The following COL28A1 variants were observed in gnomAD, a reference collection of about 807,000 sequenced individuals.
COL28A1 encodes collagen type XXVIII alpha 1 chain, also known as collagen alpha-1(XXVIII) chain.
A neutral mutation model predicts 150.2 loss-of-function variants in COL28A1; 161 were observed. The observed-to-expected ratio is 1.07, with a 90% CI of 0.94 to 1.22. COL28A1 has a LOEUF of 1.22. COL28A1 is among the 50% of genes most tolerant of loss of function. The pLI is 0.00. For synonymous variants in COL28A1, 552 were observed against 469.7 expected (o/e 1.18, Z -2.26); for missense variants, 1,617 against 1,388.3 (o/e 1.16, Z -2.62).
chr7:7,410,437 T>C (rs554647622), intron 27 of COL28A1, among the ~76,000 whole-genome samples: 1 of 152,284 alleles, frequency 6.6e-6, no homozygotes, highest in Admixed American at 6.5e-5. Flanking sequence ...ACTCCTCCTT[T>C]TTATGAAGTG....
rs1444017929 is a variant in COL28A1, at chr7:7,440,893, C to A, written c.1651-32G>T. 2.7e-6 allele frequency: 3 copies of A among 1,099,412 alleles called. No homozygotes were observed. In the South Asian group the frequency reaches 3.7e-5, roughly 14 times the overall value. The allele number at this position is 1,099,412 out of a possible 1,614,324, so 68.1% of individuals were successfully genotyped here. ...AAATAATTATGAAAATATAGATTTT[C>A]GTATGGTATTAGCAACCTCCCCTAA... On this transcript the variant is annotated intron_variant, in intron 20 of 34. Transcript: ENST00000399429.
chr7:7,416,849 C>T (rs1784107745), intron 27 of COL28A1, among the ~76,000 whole-genome samples: 1 of 152,166 alleles, frequency 6.6e-6, no homozygotes, highest in Admixed American at 6.5e-5. Flanking sequence ...AGGATTTTCA[C>T]ATTATCTTAA....
intron 15 of COL28A1, among the ~76,000 whole-genome samples, chr7:7,471,101 T>G (rs1788376460): frequency 8.3e-6 from 1 of 120,808 alleles, no homozygotes. Flanking sequence ...CCCTAAAACT[T>G]AGAGTATAAT....
At chr7:7,517,033 T>G (rs1286404093) in intron 7 of COL28A1, among the ~76,000 whole-genome samples, 1 of 152,240 alleles carries the variant, frequency 6.6e-6, no homozygotes, top group East Asian at 1.9e-4. Context: ...TATCTTAGTT[T>G]TATTTTTACA....
chr7:7,386,526 G>A (rs1583265778), intron 27 of COL28A1, among the ~76,000 whole-genome samples: 1 of 152,216 alleles, frequency 6.6e-6, no homozygotes, highest in Non-Finnish European at 1.5e-5. Flanking sequence ...ACACAGGCTT[G>A]GAAATTCACC....
At chr7:7,380,759 G>T (rs1430180353) in intron 29 of COL28A1, 23 bp downstream of exon 29, 1 of 1,611,972 alleles carries the variant, frequency 6.2e-7, no homozygotes, top group African/African-American at 1.3e-5. Flanking sequence ...TAAAATCACA[G>T]TGAGACATTA....
chr7:7,507,542 T>G (rs918138162), intron 9 of COL28A1, among the ~76,000 whole-genome samples: 2 of 152,350 alleles, frequency 1.3e-5, no homozygotes, highest in Non-Finnish European at 2.9e-5. Flanking sequence ...TTCCATGCTA[T>G]CTAGATCACT....
At chr7:7,493,163 C>G (rs1006003393) in intron 11 of COL28A1, among the ~76,000 whole-genome samples, 2 of 151,510 alleles carry the variant, frequency 1.3e-5, no homozygotes, top group Non-Finnish European at 2.9e-5. Flanking sequence ...CCTAAATTCA[C>G]TTATTCTATT....
chr7:7,451,896 A>G (rs1268475634), intron 18 of COL28A1, among the ~76,000 whole-genome samples: 1 of 152,220 alleles, frequency 6.6e-6, no homozygotes, highest in Non-Finnish European at 1.5e-5. Flanking sequence ...TCGTAAGAAT[A>G]TGACAACAAC....
chr7:7,383,594 T>C (rs1421322930), intron 27 of COL28A1, among the ~76,000 whole-genome samples: 1 of 150,958 alleles, frequency 6.6e-6, no homozygotes, highest in African/African-American at 2.4e-5. Flanking sequence ...TTTTAATATT[T>C]TAAATTTCCA....
chr7:7,514,641 T>A (rs1316468366), intron 8 of COL28A1, among the ~76,000 whole-genome samples: 1 of 152,218 alleles, frequency 6.6e-6, no homozygotes, highest in East Asian at 1.9e-4. Flanking sequence ...ACTAATAATG[T>A]TCTGGCTTCC....
chr7:7,495,288 T>G (rs1373401698), intron 11 of COL28A1, among the ~76,000 whole-genome samples: 1 of 152,208 alleles, frequency 6.6e-6, no homozygotes, highest in African/African-American at 2.4e-5. Flanking sequence ...ACATCTCAAT[T>G]TGGACCAGCC....
intron 26 of COL28A1, among the ~76,000 whole-genome samples, chr7:7,418,139 A>ACAAAACCT (rs1784207688): frequency 6.6e-6 from 1 of 152,230 alleles, no homozygotes; most frequent in Non-Finnish European, 1.5e-5. Flanking sequence ...TATAATCCAA[A>ACAAAACCT]TAAAAATTAA....
intron 6 of COL28A1, among the ~76,000 whole-genome samples, chr7:7,518,264 A>G (rs1202725921): frequency 1.3e-5 from 2 of 152,152 alleles, no homozygotes; most frequent in Non-Finnish European, 2.9e-5. Context: ...AAAATTACAA[A>G]CCAAAGAAAT....
At chr7:7,460,435 G>T (rs1562725882) in intron 15 of COL28A1, among the ~76,000 whole-genome samples, 1 of 151,980 alleles carries the variant, frequency 6.6e-6, no homozygotes, top group Admixed American at 6.5e-5. Context: ...AGGCTGGAGT[G>T]CAGTGGTGCA....
intron 20 of COL28A1, among the ~76,000 whole-genome samples, chr7:7,441,063 T>C (rs1197724661): frequency 6.6e-6 from 1 of 152,246 alleles, no homozygotes; most frequent in Non-Finnish European, 1.5e-5. Context: ...TTACTATTTA[T>C]TCAATATGAT....
In COL28A1 at chr7:7,373,857, G is replaced by C. The variant is rs1289116378; in HGVS notation, c.2360-311C>G. Reference sequence around the variant, plus strand: ...TGGGACTACAGGCGCCCGCCACCTCGCCTGGCTAATTTTTTGTATTTTTAG... The same window carrying C: ...TGGGACTACAGGCGCCCGCCACCTCCCCTGGCTAATTTTTTGTATTTTTAG... On this transcript the variant is annotated intron_variant, in intron 31 of 34. Transcript: ENST00000399429. The surrounding 1 kb of genome is among the most constrained non-coding windows in gnomAD (Gnocchi z 4.1). Among the ~76,000 whole-genome samples the C allele has an allele frequency of 2.0e-5, 3 of 151,026 alleles. No individual in the cohort carries two copies. Among genetic ancestry groups the C allele is most frequent in the Non-Finnish European group, 3.0e-5 (2 of 67,762 alleles).
chr7:7,529,311 C>A (rs907831584), intron 3 of COL28A1, among the ~76,000 whole-genome samples: 15 of 140,540 alleles, frequency 1.1e-4, no homozygotes, highest in African/African-American at 3.6e-4. Flanking sequence ...AAAAAAGAGT[C>A]AAGTTCTGCC....
At chr7:7,394,425 G>T (rs372032432) in intron 27 of COL28A1, among the ~76,000 whole-genome samples, 6 of 152,258 alleles carry the variant, frequency 3.9e-5, no homozygotes, top group Admixed American at 2.0e-4. Context: ...CTATAAATTT[G>T]ATTTTATAGT....
Sources: allele counts gnomAD v4.1 joint callset (sites outside exome capture counted in the v4.1 genomes callset), GRCh38; gene constraint gnomAD v4.1.1; non-coding constraint Gnocchi (gnomAD v3.1); transcripts MANE v1.5; gene names NCBI Gene and HGNC (gene_info 2026-07-23, HGNC 2026-07-21).